DSP: variants seen among roughly 807,000 people sequenced by gnomAD.
DSP encodes desmoplakin, also known as 250/210 kDa paraneoplastic pemphigus antigen.
DSP carries 114 observed loss-of-function variants against 290.6 expected under a neutral mutation model. The observed-to-expected ratio is 0.39, with a 90% CI of 0.34 to 0.46. The LOEUF (loss-of-function observed/expected upper bound fraction) is 0.46. Ranked by LOEUF, DSP falls within the 20% of genes least tolerant of loss-of-function variation. The pLI is 0.99. For missense variants in DSP, 3,230 were observed against 3,495.8 expected, an observed-to-expected ratio of 0.92 and a Z score of 1.92; for synonymous variants, 1,311 against 1,316.4, an observed-to-expected ratio of 1.00 and a Z score of 0.09.
Position 7,582,816 on chromosome 6 carries a change from C to T in DSP, c.5554C>T (p.Arg1852Cys), listed in dbSNP as rs550818559. 193 of 1,613,894 alleles carry T rather than the reference C, an allele frequency of 1.2e-4. 2 individuals carry two copies. The South Asian group carries it at 1.7e-3, about 14-fold the overall frequency. ...AGAGGCAGAAACCAGGGTGAAACAGCGCCTGGAGTGTGAGAAACAGCAAAT... is the reference window on the plus strand; with the variant it reads ...AGAGGCAGAAACCAGGGTGAAACAGTGCCTGGAGTGTGAGAAACAGCAAAT... ...TLEAETRVKQ[R>C]LECEKQQIQN... Residue 1852 changes from arginine (R) to cysteine (C), a missense_variant, in exon 24 of 24, where the codon CGC (arginine) becomes TGC (cysteine). This residue lies in a region of DSP where 1,714 missense variants were observed against 1,844.5 expected (regional missense o/e 0.93). Transcript: ENST00000379802. This position sits in a 1 kb window ranked among gnomAD's most constrained non-coding sequence, Gnocchi z 4.2.
chr6:7,578,908 T>C (rs1759329254), intron 22 of DSP, among the ~76,000 whole-genome samples: 2 of 152,246 alleles, frequency 1.3e-5, no homozygotes, highest in African/African-American at 4.8e-5. Flanking sequence ...GTTCCCTTTA[T>C]TCCTCATTTA....
At chr6:7,574,370 CCTT>C in intron 16 of DSP, 118 bp downstream of exon 16, 2 of 1,111,204 alleles carry the variant, frequency 1.8e-6, no homozygotes, top group Admixed American at 3.9e-5. Context: ...TTACTTACAT[CCTT>C]CTGTGGTTTG....
intron 11 of DSP, 119 bp downstream of exon 11, chr6:7,568,708 T>G: frequency 8.8e-7 from 1 of 1,131,854 alleles, no homozygotes; most frequent in Non-Finnish European, 1.3e-6. Flanking sequence ...ATGTCTTTGA[T>G]CTATGAAATC....
chr6:7,576,054 A>G (rs111327690), intron 18 of DSP, among the ~76,000 whole-genome samples: 62 of 152,274 alleles, frequency 4.1e-4, no homozygotes, highest in African/African-American at 1.4e-3. Context: ...TTATGATTGA[A>G]TAATATTCCA....
intron 3 of DSP, among the ~76,000 whole-genome samples, chr6:7,558,705 G>A (rs1485992460): frequency 6.6e-6 from 1 of 151,948 alleles, no homozygotes; most frequent in African/African-American, 2.4e-5. Context: ...GTGGAGACAG[G>A]GTTTTGCCAT....
chr6:7,579,169 A>G lies in DSP; in HGVS notation c.3085-106A>G, dbSNP rs1759336467. On this transcript the variant is annotated intron_variant, in intron 22 of 23. Coordinates refer to ENST00000379802, the MANE Select transcript of DSP (RefSeq NM_004415.4). The surrounding 1 kb of genome is among the most constrained non-coding windows in gnomAD (Gnocchi z 4.1). ...TCTTTGCATGTATGTCCATGTGTGT[A>G]AAGAGAAATAAGAATGCACATTGGT... is the stretch of plus-strand genomic sequence containing the variant. The G allele has an allele frequency of 2.7e-6, 4 of 1,472,998 alleles. No individual in the cohort carries two copies. The highest frequency in any genetic ancestry group is 1.2e-5 in the South Asian group (1 of 82,468). 91.2% of individuals were successfully genotyped at this position (1,472,998 alleles called of 1,614,324 possible). A position where few individuals can be genotyped will look rare whatever the true frequency, so the allele number is the denominator to read the frequency against.
rs772574987 is a variant in DSP at position 7,584,796 on chromosome 6, G to T, written c.7534G>T (p.Asp2512Tyr). 28 of 1,614,128 alleles carry T rather than the reference G, an allele frequency of 1.7e-5. No individual in the cohort carries two copies. The highest frequency in any genetic ancestry group is 2.2e-5 in the Non-Finnish European group (26 of 1,180,044). ...EWEEITITGS[D>Y]GSTRVVLVDR... The stretch of plus-strand genomic sequence containing the variant: ...GGAAGAAATAACCATCACGGGATCA[G>T]ATGGCTCCACCAGGGTGGTCCTGGT... Residue 2512 changes from aspartate (D) to tyrosine (Y), a missense_variant, in exon 24 of 24, where the codon GAT (aspartate) becomes TAT (tyrosine). By Grantham distance (160) the Asp-to-Tyr change is radical (BLOSUM62 -3). Transcript: ENST00000379802. This position sits in a 1 kb window ranked among gnomAD's most constrained non-coding sequence, Gnocchi z 6.4.
At position 7,580,654 on chromosome 6, in the gene DSP, A is replaced by G. The variant is rs1351935359; in HGVS notation, c.4464A>G (p.Gln1488=). The change falls in exon 23 of 24, where the codon CAA becomes CAG. Residue 1488 remains glutamine (Q), a synonymous_variant. Coordinates refer to ENST00000379802, the MANE Select transcript of DSP (RefSeq NM_004415.4). This position sits in a 1 kb window ranked among gnomAD's most constrained non-coding sequence, Gnocchi z 4.2. The stretch of plus-strand genomic sequence containing the variant: ...ACAAGGAGATAGAAAGGTTAAAACA[A>G]CTGATCGACAAAGAAACAAATGACC... ...DKNKEIERLK[Q]LIDKETNDRK... is the part of the protein sequence containing the mutation. 6.2e-7 allele frequency: 1 copy of G among 1,614,018 alleles called. No individual in the cohort carries two copies. Among genetic ancestry groups the G allele is most frequent in the East Asian group, 2.2e-5 (1 of 44,902 alleles).
Position 7,585,791 on chromosome 6 carries a change from T to C in DSP, c.8529T>C (p.Ser2843=), listed in dbSNP as rs780005300. ...SRSGSRSGSR[S]GSRRGSFDAT... ...CCGGATCTCGCTCCGGGTCCCGCAG[T>C]GGGTCCCGGAGAGGAAGCTTTGACG... is the stretch of plus-strand genomic sequence containing the variant. The change falls in exon 24 of 24, where the codon AGT becomes AGC. Residue 2843 remains serine, a synonymous_variant. Coordinates refer to ENST00000379802, the MANE Select transcript of DSP (RefSeq NM_004415.4). 14 of 1,609,242 alleles carry C rather than the reference T, an allele frequency of 8.7e-6. No homozygotes were observed. The highest frequency in any genetic ancestry group is 1.2e-5 in the Non-Finnish European group (14 of 1,178,608).
chr6:7,581,603 T>G, intron 23 of DSP, 34 bp downstream of exon 23: 1 of 1,608,900 alleles, frequency 6.2e-7, no homozygotes, highest in Non-Finnish European at 8.5e-7. Flanking sequence ...GCTTCACTGT[T>G]TCTCAAATTA....
chr6:7,554,361 A>G (rs999711290), intron 1 of DSP, among the ~76,000 whole-genome samples: 3 of 152,202 alleles, frequency 2.0e-5, no homozygotes, highest in Non-Finnish European at 2.9e-5. Flanking sequence ...AGAGCAAATG[A>G]AACTCTGTCA....
chr6:7,542,125 G>C (rs892667740), intron 1 of DSP, 40 bp downstream of exon 1: 3 of 1,548,484 alleles, frequency 1.9e-6, no homozygotes, highest in African/African-American at 2.7e-5. Flanking sequence ...CGGGGCTCGC[G>C]GGACAGGGAG....
At chr6:7,575,705 CATCCAGGGTCTTAGAG>C (rs747210609) in intron 18 of DSP, among the ~76,000 whole-genome samples, 5 of 152,320 alleles carry the variant, frequency 3.3e-5, no homozygotes, top group Non-Finnish European at 5.9e-5. Flanking sequence ...GGCCAGGTGC[CATCCAGGGTCTTAGAG>C]AAACGGCAGA....
Position 7,565,257 on chromosome 6 carries a change from A to G in DSP, c.778-102A>G. 7.5e-7 allele frequency: 1 copy of G among 1,337,318 alleles called. No homozygotes were observed. Among genetic ancestry groups the G allele is most frequent in the Non-Finnish European group, 1.0e-6 (1 of 960,514 alleles). 82.8% of individuals were successfully genotyped at this position (1,337,318 alleles called of 1,614,324 possible). ...GGTTAACATTTTTCCTATCCGTGTG[A>G]TTTTTTTTTTAAAGGGACCACAGGT... On this transcript the variant is annotated intron_variant, in intron 6 of 23. Coordinates refer to ENST00000379802, the MANE Select transcript of DSP (RefSeq NM_004415.4). This position sits in a 1 kb window ranked among gnomAD's most constrained non-coding sequence, Gnocchi z 4.2.
chr6:7,574,071 C>T lies in DSP; in HGVS notation c.2131-15C>T, dbSNP rs761383133. Reference sequence around the variant, plus strand: ...AATCAGCTAAATCAAAAGAGCTTTCCTTCATTTTTGACAGAGTGTGCAGAA... The same window carrying T: ...AATCAGCTAAATCAAAAGAGCTTTCTTTCATTTTTGACAGAGTGTGCAGAA... On this transcript the variant is annotated splice_polypyrimidine_tract_variant and intron_variant, in intron 15 of 23. Transcript: ENST00000379802. The T allele has an allele frequency of 1.2e-6, 2 of 1,613,852 alleles. No individual in the cohort carries two copies. The highest frequency in any genetic ancestry group is 1.7e-6 in the Non-Finnish European group (2 of 1,179,860).
intron 4 of DSP, 154 bp from the exon 5 acceptor site, chr6:7,562,498 C>T: frequency 7.5e-7 from 1 of 1,332,064 alleles, no homozygotes; most frequent in Non-Finnish European, 1.1e-6. Flanking sequence ...CTGCATTAGC[C>T]ATTTGGGAAC....
At chr6:7,556,303 T>A (rs1272083503) in intron 2 of DSP, among the ~76,000 whole-genome samples, 2 of 152,134 alleles carry the variant, frequency 1.3e-5, no homozygotes, top group Non-Finnish European at 2.9e-5. Context: ...GGAGAAATGG[T>A]AACATTTCTG....
At position 7,565,038 on chromosome 6, in the gene DSP, G is replaced by A. The variant is rs1216793382; in HGVS notation, c.778-321G>A. ...GCATGTCTGTAATCCCACCTACTCG[G>A]GAAGCTGAGGCAGGAGAATCGCTTA... is the stretch of plus-strand genomic sequence containing the variant. On this transcript the variant is annotated intron_variant, in intron 6 of 23. Coordinates refer to ENST00000379802, the MANE Select transcript of DSP (RefSeq NM_004415.4). The surrounding 1 kb of genome is among the most constrained non-coding windows in gnomAD (Gnocchi z 4.2). Among the ~76,000 whole-genome samples the A allele has an allele frequency of 6.6e-6, 1 of 152,126 alleles. No individual in the cohort carries two copies. Among genetic ancestry groups the A allele is most frequent in the Non-Finnish European group, 1.5e-5 (1 of 68,028 alleles).
At chr6:7,572,553 T>A (rs565907946) in intron 15 of DSP, among the ~76,000 whole-genome samples, 75 of 152,284 alleles carry the variant, frequency 4.9e-4, no homozygotes, top group Non-Finnish European at 9.4e-4. Context: ...TCTAAGAGGA[T>A]CACATTTACA....
Sources: gnomAD v4.1 joint callset for allele counts (sites outside exome capture counted in the v4.1 genomes callset) on GRCh38, gnomAD v4.1.1 for gene constraint, gnomAD v4.1.1 regional missense constraint, Gnocchi (gnomAD v3.1) non-coding constraint, MANE v1.5 for transcripts, NCBI Gene and HGNC (gene_info 2026-07-23, HGNC 2026-07-21) for gene names.